Variants in OR9Q1 observed in about 807,000 individuals in gnomAD.
OR9Q1 encodes the protein olfactory receptor family 9 subfamily Q member 1, also known as olfactory receptor 9Q1.
For missense variants in OR9Q1, 374 were observed against 378.8 expected, an observed-to-expected ratio of 0.99 and a Z score of 0.11; for synonymous variants, 153 against 148.6, an observed-to-expected ratio of 1.03 and a Z score of -0.22.
At chr11:58,138,690 A>G (rs1854212378) in intron 2 of OR9Q1, among the ~76,000 whole-genome samples, 1 of 152,218 alleles carries the variant, frequency 6.6e-6, no homozygotes, top group Admixed American at 6.5e-5. Flanking sequence ...ATGCAGTACA[A>G]TGTGATGCTT....
chr11:58,070,560 C>T (rs1263362882), intron 2 of OR9Q1, among the ~76,000 whole-genome samples: 1 of 152,164 alleles, frequency 6.6e-6, no homozygotes, highest in African/African-American at 2.4e-5. Flanking sequence ...CAGGCTCCTC[C>T]AGGACCACCC....
intron 2 of OR9Q1, chr11:58,116,957 C>T (rs1162944709): frequency 6.6e-6 from 1 of 152,206 alleles, no homozygotes; most frequent in Non-Finnish European, 1.5e-5. Context: ...ATGCACTCCA[C>T]CTTTCCAGGT....
intron 2 of OR9Q1, among the ~76,000 whole-genome samples, chr11:58,147,412 A>C (rs1469236859): frequency 6.6e-6 from 1 of 152,184 alleles, no homozygotes; most frequent in Non-Finnish European, 1.5e-5. Context: ...TATGAGCTTA[A>C]GAAACCACCC....
intron 2 of OR9Q1, among the ~76,000 whole-genome samples, chr11:58,130,439 G>T (rs1466855483): frequency 6.6e-6 from 1 of 152,110 alleles, no homozygotes; most frequent in Non-Finnish European, 1.5e-5. Flanking sequence ...ACACTGGAGT[G>T]CTGGGGAGCA....
At chr11:58,120,750 C>G (rs1398539691) in intron 2 of OR9Q1, among the ~76,000 whole-genome samples, 2 of 148,304 alleles carry the variant, frequency 1.3e-5, no homozygotes, top group African/African-American at 5.0e-5. Context: ...CCCGCATGAA[C>G]TTTGTTAATA....
At chr11:58,161,230 C>T (rs993546576) in intron 2 of OR9Q1, among the ~76,000 whole-genome samples, 8 of 136,868 alleles carry the variant, frequency 5.8e-5, no homozygotes, top group African/African-American at 1.9e-4. Context: ...TACCCTAGAA[C>T]GTAAAGTATA....
chr11:58,087,553 T>G (rs1175387398), intron 2 of OR9Q1, among the ~76,000 whole-genome samples: 4 of 151,982 alleles, frequency 2.6e-5, no homozygotes, highest in African/African-American at 9.7e-5. Context: ...TCTTCTTAAT[T>G]AATTTTTATC....
intron 2 of OR9Q1, among the ~76,000 whole-genome samples, chr11:58,160,985 T>C (rs562646327): frequency 6.6e-5 from 10 of 152,176 alleles, no homozygotes; most frequent in African/African-American, 1.4e-4. Context: ...AGAGTTCTAA[T>C]TGAATACCCT....
At chr11:58,044,099 C>T (rs1357209461) in intron 1 of OR9Q1, 2 of 152,206 alleles carry the variant, frequency 1.3e-5, no homozygotes, top group Non-Finnish European at 2.9e-5. Flanking sequence ...AGGATTTGAA[C>T]AAACTCATGG....
intron 2 of OR9Q1, among the ~76,000 whole-genome samples, chr11:58,058,519 G>A (rs1853348331): frequency 6.6e-6 from 1 of 152,170 alleles, no homozygotes; most frequent in Admixed American, 6.5e-5. Flanking sequence ...TCAGCAACTC[G>A]TGGGCTTTGG....
intron 2 of OR9Q1, among the ~76,000 whole-genome samples, chr11:58,082,861 T>C (rs1233970183): frequency 1.3e-5 from 2 of 150,280 alleles, no homozygotes; most frequent in Non-Finnish European, 3.0e-5. Context: ...TAGTTATATA[T>C]GTGTACATGT....
chr11:58,074,622 T>G (rs1853521962), intron 2 of OR9Q1, among the ~76,000 whole-genome samples: 1 of 152,220 alleles, frequency 6.6e-6, no homozygotes, highest in African/African-American at 2.4e-5. Flanking sequence ...AGGTCCCATT[T>G]ATCAATTTTG....
rs116502368 is a variant in OR9Q1 at position 58,079,606 on chromosome 11, C to T, written c.-15+23659C>T. On this transcript the variant is annotated intron_variant, in intron 2 of 2. Coordinates refer to ENST00000335397, the MANE Select transcript of OR9Q1 (RefSeq NM_001005212.4). ...GAGTGTGGTGGAAGTGATGTCATGC[C>T]AGTTGTAGCTCTAGGCCTCAAAAGG... is the stretch of plus-strand genomic sequence containing the variant. Among the ~76,000 whole-genome samples the T allele has an allele frequency of 8.5e-3, 1,287 of 152,168 alleles. 17 individuals are homozygous for T. Among genetic ancestry groups the T allele is most frequent in the African/African-American group, 0.029 (1,206 of 41,514 alleles).
chr11:58,035,157 C>T (rs1158136199), intron 1 of OR9Q1, among the ~76,000 whole-genome samples: 2 of 152,138 alleles, frequency 1.3e-5, no homozygotes, highest in Non-Finnish European at 2.9e-5. Flanking sequence ...CTTCCTCTCA[C>T]CTCTTTGGTG....
At chr11:58,085,780 A>G (rs949770595) in intron 2 of OR9Q1, among the ~76,000 whole-genome samples, 2 of 151,914 alleles carry the variant, frequency 1.3e-5, no homozygotes, top group Non-Finnish European at 2.9e-5. Context: ...TAAAAATGTC[A>G]TTGACATTGG....
At chr11:58,078,503 G>A (rs1327360992) in intron 2 of OR9Q1, 2 of 152,144 alleles carry the variant, frequency 1.3e-5, no homozygotes, top group Non-Finnish European at 2.9e-5. Flanking sequence ...CAAAATAATG[G>A]CCAGGAAGCA....
In OR9Q1 at chr11:58,023,911, G is replaced by A. The variant is rs562772413; in HGVS notation, c.-286G>A. 8 of 152,348 alleles carry A rather than the reference G, an allele frequency of 5.3e-5. No homozygotes were observed. The highest frequency in any genetic ancestry group is 1.9e-4 in the African/African-American group (8 of 41,564). The allele number at this position is 152,348 out of a possible 1,614,324, so 9.4% of individuals were successfully genotyped here. ...CCCTTGTGCAGGGAATTGAAGAAGT[G>A]CAGGAGGATGCCACACAGAGATGGT... is the stretch of plus-strand genomic sequence containing the variant. On this transcript the variant is annotated 5_prime_UTR_variant, in exon 1 of 3. Coordinates refer to ENST00000335397, the MANE Select transcript of OR9Q1 (RefSeq NM_001005212.4).
Position 58,179,630 on chromosome 11 carries a change from T to A in OR9Q1, c.186T>A (p.Leu62=), listed in dbSNP as rs750260249. The change falls in exon 3 of 3, where the codon CTT becomes CTA. Residue 62 remains leucine, a synonymous_variant. Transcript: ENST00000335397. The part of the protein sequence containing the change: ...DHQLHAPMYF[L]LSHLAFMDVC... ...AGCTCCACGCTCCAATGTATTTCCT[T>A]CTGAGTCACCTCGCTTTCATGGACG... 6 of 1,613,188 alleles carry A rather than the reference T, an allele frequency of 3.7e-6. No individual in the cohort carries two copies. Among genetic ancestry groups the A allele is most frequent in the Non-Finnish European group, 3.4e-6 (4 of 1,179,336 alleles).
intron 1 of OR9Q1, among the ~76,000 whole-genome samples, chr11:58,032,132 C>G (rs544231454): frequency 6.6e-6 from 1 of 152,240 alleles, no homozygotes; most frequent in Non-Finnish European, 1.5e-5. Context: ...GAAAAAACAT[C>G]CCATGCTCAC....
Sources: gnomAD v4.1 joint callset for allele counts (sites outside exome capture counted in the v4.1 genomes callset) on GRCh38, gnomAD v4.1.1 for gene constraint, MANE v1.5 for transcripts, NCBI Gene and HGNC (gene_info 2026-07-23, HGNC 2026-07-21) for gene names.